Variants in MYH13 observed in about 807,000 individuals in gnomAD.
The protein encoded by MYH13 is myosin-13.
Under a neutral mutation model 232.1 loss-of-function variants are expected in MYH13, and 177 were observed. The ratio of observed to expected loss-of-function variants is 0.76; its 90% confidence interval spans 0.67 to 0.86. The LOEUF (loss-of-function observed/expected upper bound fraction) is 0.86, where lower values mean the gene tolerates loss of function less well. Among genes scored for constraint, MYH13 ranks in the 40% least tolerant of loss-of-function variants. MYH13 has a pLI of 0.00. For missense variants in MYH13, 2,246 were observed against 2,405.9 expected (o/e 0.93, Z 1.39); for synonymous variants, 884 against 923.5 (o/e 0.96, Z 0.78).
chr17:10,368,220 G>A (rs1446380162), intron 2 of MYH13, among the ~76,000 whole-genome samples: 1 of 152,170 alleles, frequency 6.6e-6, no homozygotes, highest in African/African-American at 2.4e-5. Flanking sequence ...TCAAGCTAAT[G>A]GTGGCAAATA....
Position 10,364,394 on chromosome 17 carries a change from A to G in MYH13, c.137T>C (p.Met46Thr), listed in dbSNP as rs1214366728. The G allele has an allele frequency of 1.2e-6, 2 of 1,613,692 alleles. No homozygotes were observed. The highest frequency in any genetic ancestry group is 1.7e-6 in the Non-Finnish European group (2 of 1,179,838). Residue 46 changes from methionine to threonine, a missense_variant, in exon 3 of 41, where the codon ATG (methionine) becomes ACG (threonine). Transcript: ENST00000252172. ...KACFVADNKE[M>T]YVKGMIQTRE... is the part of the protein sequence containing the mutation. ...AGTCTGGATCATGCCTTTCACATAC[A>G]TTTCCTTATTATCCGCTACAAAGCA...
chr17:10,330,493 A>G lies in MYH13; in HGVS notation c.2329T>C (p.Leu777=). The G allele has an allele frequency of 1.2e-6, 2 of 1,611,690 alleles. No individual in the cohort carries two copies. Among genetic ancestry groups the G allele is most frequent in the Non-Finnish European group, 1.7e-6 (2 of 1,179,452 alleles). ...VFFKAGLLGL[L]EEMRDEKLVT... ...AGCTTCTCATCTCTCATCTCCTCCAAAAGTCCCAGGAGCCCAGCTTTGAAA... is the reference window on the plus strand; with the variant it reads ...AGCTTCTCATCTCTCATCTCCTCCAGAAGTCCCAGGAGCCCAGCTTTGAAA... Residue 777 remains leucine, a synonymous_variant, in exon 21 of 41, where the codon TTG becomes CTG. Coordinates refer to ENST00000252172, the MANE Select transcript of MYH13 (RefSeq NM_003802.3).
Position 10,309,284 on chromosome 17 carries a change from C to G in MYH13, c.5119G>C (p.Glu1707Gln), listed in dbSNP as rs1290174163. 6.2e-7 allele frequency: 1 copy of G among 1,613,866 alleles called. No homozygotes were observed. The highest frequency in any genetic ancestry group is 8.5e-7 in the Non-Finnish European group (1 of 1,179,860). The change falls in exon 35 of 41, where the codon GAG (glutamate) becomes CAG (glutamine). Residue 1707 changes from glutamate (E) to glutamine (Q), a missense_variant. Physicochemically the swap from Glu to Gln is conservative, Grantham distance 29. Transcript: ENST00000252172. ...EQTERTRRLS[E>Q]QELLDASDRV... The stretch of plus-strand genomic sequence containing the variant: ...TCGCTGGCGTCCAGCAGCTCCTGCT[C>G]TGACAGCCTGCGGGTCCGCTCCGTC...
At chr17:10,360,218 CAAAT>C (rs755635725) in intron 5 of MYH13, 30 bp from the exon 6 acceptor site, 13 of 1,606,668 alleles carry the variant, frequency 8.1e-6, no homozygotes, top group Non-Finnish European at 1.1e-5. Context: ...CAAAACAAAA[CAAAT>C]AAACAACAAA....
At chr17:10,328,345 C>T (rs1284535516) in intron 21 of MYH13, among the ~76,000 whole-genome samples, 1 of 152,154 alleles carries the variant, frequency 6.6e-6, no homozygotes, top group Non-Finnish European at 1.5e-5. Context: ...CGTGGAGCTA[C>T]CTGCGGGCTC....
chr17:10,320,435 T>C lies in MYH13; in HGVS notation c.3173A>G (p.Lys1058Arg). The change falls in exon 25 of 41, where the codon AAG (lysine) becomes AGG (arginine). Residue 1058 changes from lysine (K) to arginine (R), a missense_variant. By Grantham distance (26) the Lys-to-Arg change is conservative (BLOSUM62 2). Transcript: ENST00000252172. ...GGACATTTTCAGATCTCCTTCCAGCTTCCTCTTCGCCCTTTCCAAGTCCGC... is the reference window on the plus strand; with the variant it reads ...GGACATTTTCAGATCTCCTTCCAGCCTCCTCTTCGCCCTTTCCAAGTCCGC... ...LRADLERAKR[K>R]LEGDLKMSQE... The C allele has an allele frequency of 6.2e-7, 1 of 1,613,656 alleles. No individual in the cohort carries two copies. Among genetic ancestry groups the C allele is most frequent in the Non-Finnish European group, 8.5e-7 (1 of 1,179,748 alleles).
chr17:10,333,512 TG>T (rs1439656379), intron 18 of MYH13, among the ~76,000 whole-genome samples: 3 of 152,354 alleles, frequency 2.0e-5, no homozygotes, highest in Non-Finnish European at 4.4e-5. Flanking sequence ...AGGGTGCACT[TG>T]GGCTTCCCAT....
rs1597385452 is a variant in MYH13 at position 10,345,484 on chromosome 17, C to G, written c.1396G>C (p.Gly466Arg). ...QYFIGVLDIA[G>R]FEIFDFNSLE... is the part of the protein sequence containing the mutation. The stretch of plus-strand genomic sequence containing the variant: ...CAACTCACATCAAAGATCTCAAAGC[C>G]AGCAATGTCCAAGACCCCGATGAAG... The change falls in exon 14 of 41, where the codon GGC becomes CGC. Residue 466 changes from glycine (G) to arginine (R), a missense_variant. Gly to Arg is a moderately radical substitution (Grantham distance 125). Transcript: ENST00000252172. 1 of 1,614,140 alleles carries G rather than the reference C, an allele frequency of 6.2e-7. No homozygotes were observed.
intron 29 of MYH13, 98 bp downstream of exon 29, chr17:10,315,595 C>T (rs1027558913): frequency 4.9e-5 from 53 of 1,083,474 alleles, no homozygotes; most frequent in Non-Finnish European, 6.6e-5. Context: ...TGCCCAGCTG[C>T]AGCAGATTTC....
intron 20 of MYH13, 86 bp from the exon 21 acceptor site, chr17:10,330,609 C>T: frequency 6.6e-7 from 1 of 1,509,220 alleles, no homozygotes; most frequent in Non-Finnish European, 8.9e-7. Flanking sequence ...CTGCTCAACT[C>T]TGAGGCTCAA....
intron 18 of MYH13, among the ~76,000 whole-genome samples, chr17:10,336,549 A>G (rs2142250616): frequency 6.6e-6 from 1 of 152,180 alleles, no homozygotes; most frequent in East Asian, 1.9e-4. Flanking sequence ...ATGGCAAAAA[A>G]GCCTCCTGCA....
rs537707369 is a variant in MYH13, at chr17:10,357,254, G to A, written c.738+481C>T. Among the ~76,000 whole-genome samples, 152 of 152,232 alleles carry A rather than the reference G, an allele frequency of 1.0e-3. 1 individual carries two copies. Among genetic ancestry groups the A allele is most frequent in the African/African-American group, 3.5e-3 (146 of 41,548 alleles). ...TGGGATTACAGGCGTGAGCCACCGC[G>A]CCCAGACTATTTCAAATTTTTGAGC... On this transcript the variant is annotated intron_variant, in intron 8 of 40. Coordinates refer to ENST00000252172, the MANE Select transcript of MYH13 (RefSeq NM_003802.3).
chr17:10,329,312 A>G (rs1219580065), intron 21 of MYH13, among the ~76,000 whole-genome samples: 1 of 152,162 alleles, frequency 6.6e-6, no homozygotes, highest in Non-Finnish European at 1.5e-5. Flanking sequence ...CAATGCTGCT[A>G]TTCCTTCTCT....
At chr17:10,321,961 AT>A (rs1906955027) in intron 23 of MYH13, among the ~76,000 whole-genome samples, 1 of 152,226 alleles carries the variant, frequency 6.6e-6, no homozygotes, top group Admixed American at 6.5e-5. Flanking sequence ...CGCTTTTAAA[AT>A]GCAAATGTGC....
At chr17:10,305,234 G>A (rs549413060) in intron 37 of MYH13, among the ~76,000 whole-genome samples, 13 of 152,142 alleles carry the variant, frequency 8.5e-5, no homozygotes, top group Non-Finnish European at 1.3e-4. Flanking sequence ...AGGGCTCCCC[G>A]CCAACCCAGG....
At chr17:10,309,947 T>TA in intron 33 of MYH13, 117 bp from the exon 34 acceptor site, 4 of 252,688 alleles carry the variant, frequency 1.6e-5, no homozygotes, top group Non-Finnish European at 2.3e-5. Flanking sequence ...TAAATTTAAA[T>TA]TTTTTTTTTT....
chr17:10,353,794 A>G (rs1158404530), intron 11 of MYH13, among the ~76,000 whole-genome samples: 2 of 152,036 alleles, frequency 1.3e-5, no homozygotes, highest in Non-Finnish European at 2.9e-5. Context: ...AATCTCTTGA[A>G]CCCAGGAGGC....
At chr17:10,337,775 C>G (rs1196833918) in intron 18 of MYH13, among the ~76,000 whole-genome samples, 1 of 152,168 alleles carries the variant, frequency 6.6e-6, no homozygotes, top group Non-Finnish European at 1.5e-5. Flanking sequence ...AAATGTAGGG[C>G]CGGGCGCGGT....
intron 24 of MYH13, among the ~76,000 whole-genome samples, chr17:10,320,942 C>G (rs117116483): frequency 4.5e-4 from 68 of 152,306 alleles, no homozygotes; most frequent in Non-Finnish European, 6.0e-4. Flanking sequence ...TGCACATACA[C>G]ACATGCATAC....
Sources: gnomAD v4.1 joint callset for allele counts (sites outside exome capture counted in the v4.1 genomes callset) on GRCh38, gnomAD v4.1.1 for gene constraint, MANE v1.5 for transcripts, NCBI Gene and HGNC (gene_info 2026-07-23, HGNC 2026-07-21) for gene names.